SLC22A23: variants seen among roughly 807,000 people sequenced by gnomAD.
SLC22A23 encodes the protein ion transporter protein.
A neutral mutation model predicts 61.0 loss-of-function variants in SLC22A23; 26 were observed. The ratio of observed to expected loss-of-function variants is 0.43; its 90% CI spans 0.31 to 0.59. The LOEUF (loss-of-function observed/expected upper bound fraction) is 0.59, where lower values mean the gene tolerates loss of function less well. Ranked by LOEUF, SLC22A23 falls within the 20% of genes least tolerant of loss-of-function variation. SLC22A23 has a pLI of 0.11. For synonymous variants in SLC22A23, 430 were observed against 413.9 expected, an observed-to-expected ratio of 1.04 and a Z score of -0.47; for missense variants, 796 against 934.7, an observed-to-expected ratio of 0.85 and a Z score of 1.94.
intron 3 of SLC22A23, among the ~76,000 whole-genome samples, chr6:3,326,444 T>TC (rs1763287186): frequency 6.6e-6 from 1 of 151,882 alleles, no homozygotes; most frequent in Non-Finnish European, 1.5e-5. Flanking sequence ...CTTAATGAGC[T>TC]CCCCAGACAA....
chr6:3,281,524 C>G (rs1373726619), intron 9 of SLC22A23, among the ~76,000 whole-genome samples: 2 of 152,234 alleles, frequency 1.3e-5, no homozygotes, highest in Non-Finnish European at 2.9e-5. Flanking sequence ...ATCCTGGCCC[C>G]TTACCCTTTG....
At chr6:3,402,571 C>A (rs986694183) in intron 3 of SLC22A23, among the ~76,000 whole-genome samples, 3 of 152,006 alleles carry the variant, frequency 2.0e-5, no homozygotes, top group South Asian at 2.1e-4. Flanking sequence ...TCCACACTAC[C>A]CAGAGTGCAC....
In SLC22A23 at chr6:3,334,348, A is replaced by C. The variant is rs546032631; in HGVS notation, c.914-10346T>G. On this transcript the variant is annotated intron_variant, in intron 3 of 9. Coordinates refer to ENST00000406686, the MANE Select transcript of SLC22A23 (RefSeq NM_015482.2). ...GCTAATTTTTGTATTTTTAGTAGAGATGGGGTTTCACCATGTTGGCCAGGC... is the reference window on the plus strand; with the variant it reads ...GCTAATTTTTGTATTTTTAGTAGAGCTGGGGTTTCACCATGTTGGCCAGGC... Among the ~76,000 whole-genome samples, 521 of 152,210 alleles carry C rather than the reference A, an allele frequency of 3.4e-3. 4 individuals are homozygous for C. The highest frequency in any genetic ancestry group is 5.7e-3 in the Non-Finnish European group (390 of 68,018).
At chr6:3,331,356 C>T (rs1763570620) in intron 3 of SLC22A23, among the ~76,000 whole-genome samples, 1 of 152,164 alleles carries the variant, frequency 6.6e-6, no homozygotes. Context: ...ACACCAGAAG[C>T]TCAGATACTT....
intron 5 of SLC22A23, 24 bp downstream of exon 5, chr6:3,298,067 C>G (rs1402615634): frequency 1.3e-6 from 2 of 1,493,828 alleles, no homozygotes; most frequent in Non-Finnish European, 8.9e-7. Flanking sequence ...CTCTCTGAGC[C>G]CTGCCAGCCC....
chr6:3,284,779 A>G (rs1328076623), intron 8 of SLC22A23, among the ~76,000 whole-genome samples: 5 of 152,182 alleles, frequency 3.3e-5, no homozygotes, highest in South Asian at 2.1e-4. Flanking sequence ...TGTCCCTAAG[A>G]CAAAGCATGT....
At chr6:3,313,739 G>C (rs1227299840) in intron 4 of SLC22A23, 4 of 152,166 alleles carry the variant, frequency 2.6e-5, no homozygotes, top group Non-Finnish European at 5.9e-5. Context: ...AAAAATTCTT[G>C]GCCGGGCGCG....
At chr6:3,290,678 A>T (rs1187896775) in intron 5 of SLC22A23, 1 of 152,672 alleles carries the variant, frequency 6.5e-6, no homozygotes, top group African/African-American at 2.4e-5. Flanking sequence ...AGGGGTCTGC[A>T]GAGGTGCTGG....
chr6:3,371,695 A>G (rs1041554603), intron 3 of SLC22A23, among the ~76,000 whole-genome samples: 2 of 152,238 alleles, frequency 1.3e-5, no homozygotes, highest in African/African-American at 4.8e-5. Flanking sequence ...ACACCAAATG[A>G]ATGTTAGCTA....
At chr6:3,369,018 T>C (rs937682277) in intron 3 of SLC22A23, among the ~76,000 whole-genome samples, 30 of 152,024 alleles carry the variant, frequency 2.0e-4, no homozygotes, top group African/African-American at 7.3e-4. Context: ...ATTTTTAACC[T>C]AATTCTGACT....
In SLC22A23 at chr6:3,455,879, G is replaced by T. The variant is rs1043477625; in HGVS notation, c.654+27C>A. On this transcript the variant is annotated intron_variant, in intron 1 of 9. Transcript: ENST00000406686. Reference sequence around the variant, plus strand: ...ACCTCGGTCTGCAGGGAGAGGGTTGGAGGGACTGGGCGGCTGCGGCCCTTA... The same window carrying T: ...ACCTCGGTCTGCAGGGAGAGGGTTGTAGGGACTGGGCGGCTGCGGCCCTTA... 1.5e-5 allele frequency: 22 copies of T among 1,475,696 alleles called. No individual in the cohort carries two copies. In the African/African-American group the frequency reaches 2.9e-4, roughly 20 times the overall value. 91.4% of individuals were successfully genotyped at this position (1,475,696 alleles called of 1,614,324 possible).
intron 5 of SLC22A23, chr6:3,291,703 G>A (rs761749449): frequency 3.3e-5 from 5 of 152,166 alleles, no homozygotes; most frequent in African/African-American, 4.8e-5. Context: ...AAAATATCAT[G>A]GTTAACAGAA....
rs112065429 is a variant in SLC22A23, at chr6:3,273,105, C to G, written c.2011G>C (p.Gly671Arg). The change falls in exon 10 of 10, where the codon GGT (glycine) becomes CGT (arginine). Residue 671 changes from glycine (G) to arginine (R), a missense_variant. Transcript: ENST00000406686. ...GTGGCACCCTCGGGCAGTGTGTCACCCGCGGCTGCGGCATCGTGGAGGCCC... is the reference window on the plus strand; with the variant it reads ...GTGGCACCCTCGGGCAGTGTGTCACGCGCGGCTGCGGCATCGTGGAGGCCC... ...YSGLHDAAAAGDTLPEGATAN... is the reference protein window; with the variant it reads ...YSGLHDAAAARDTLPEGATAN... The G allele has an allele frequency of 1.3e-6, 2 of 1,597,822 alleles. No homozygotes were observed. Among genetic ancestry groups the G allele is most frequent in the Admixed American group, 3.4e-5 (2 of 59,464 alleles).
chr6:3,450,689 G>A (rs916867127), intron 1 of SLC22A23, among the ~76,000 whole-genome samples: 5 of 152,204 alleles, frequency 3.3e-5, no homozygotes, highest in African/African-American at 1.2e-4. Context: ...CGGAAGAAAT[G>A]GACAAATTCT....
In SLC22A23 at chr6:3,293,676, C is replaced by T. The variant is rs13200209; in HGVS notation, c.1211-3810G>A. Among the ~76,000 whole-genome samples, 1,392 of 152,366 alleles carry T rather than the reference C, an allele frequency of 9.1e-3. 26 individuals carry two copies. The highest frequency in any genetic ancestry group is 0.073 in the South Asian group (350 of 4,826). ...TCGCCTGTGGAGTGAGGGCCCTGTGCAGCCTGCCTGGGGTCATACCTTGCT... is the reference window on the plus strand; with the variant it reads ...TCGCCTGTGGAGTGAGGGCCCTGTGTAGCCTGCCTGGGGTCATACCTTGCT... On this transcript the variant is annotated intron_variant, in intron 5 of 9. Coordinates refer to ENST00000406686, the MANE Select transcript of SLC22A23 (RefSeq NM_015482.2).
chr6:3,347,240 C>T (rs1038374800), intron 3 of SLC22A23, among the ~76,000 whole-genome samples: 4 of 151,604 alleles, frequency 2.6e-5, no homozygotes, highest in South Asian at 2.1e-4. Flanking sequence ...CTATTTTGTA[C>T]GGTTGCGTTG....
chr6:3,282,356 C>T, intron 9 of SLC22A23: 1 of 701,094 alleles, frequency 1.4e-6, no homozygotes, highest in South Asian at 1.5e-5. Flanking sequence ...GTTCCTTGTG[C>T]TTAATCATAC....
intron 1 of SLC22A23, among the ~76,000 whole-genome samples, chr6:3,432,797 GCT>G (rs1030334058): frequency 6.6e-6 from 1 of 152,196 alleles, no homozygotes; most frequent in African/African-American, 2.4e-5. Context: ...ACAGTTCGTT[GCT>G]CTTTTTAAGG....
chr6:3,391,645 C>T (rs1254170993), intron 3 of SLC22A23, among the ~76,000 whole-genome samples: 1 of 152,122 alleles, frequency 6.6e-6, no homozygotes, highest in African/African-American at 2.4e-5. Context: ...CAATAAGGAC[C>T]CTGCTTTCAA....
Sources: gnomAD v4.1 joint callset for allele counts (sites outside exome capture counted in the v4.1 genomes callset) on GRCh38, gnomAD v4.1.1 for gene constraint, MANE v1.5 for transcripts, NCBI Gene and HGNC (gene_info 2026-07-23, HGNC 2026-07-21) for gene names.